The following SEMA4A variants were observed in gnomAD, a reference collection of about 807,000 sequenced individuals.
SEMA4A encodes the protein semaphorin-4A.
In SEMA4A, 52 loss-of-function variants were observed where a neutral mutation model predicts 72.5. The ratio of observed to expected loss-of-function variants is 0.72; its 90% CI spans 0.57 to 0.90. The LOEUF is 0.90. SEMA4A is among the 40% of genes least tolerant of loss of function. The pLI is 0.00. For missense variants in SEMA4A, 926 were observed against 959.7 expected (o/e 0.96, Z 0.46); for synonymous variants, 369 against 393.1 (o/e 0.94, Z 0.73).
chr1:156,174,736 T>G, intron 11 of SEMA4A, 86 bp from the exon 12 acceptor site: 1 of 1,570,564 alleles, frequency 6.4e-7, no homozygotes, highest in Non-Finnish European at 8.7e-7. Context: ...AGAAGGAGCT[T>G]TCTTACAGCT....
Position 156,175,160 on chromosome 1 carries a change from T to A in SEMA4A, c.1509T>A (p.Cys503Ter). The A allele has an allele frequency of 6.2e-7, 1 of 1,614,172 alleles. No homozygotes were observed. Among genetic ancestry groups the A allele is most frequent in the Non-Finnish European group, 8.5e-7 (1 of 1,179,994 alleles). Reference protein sequence around the residue: ...PRANCSVYESCVDCVLARDPH... With the variant: ...PRANCSVYES ...CCAACTGTAGTGTCTATGAGAGCTG[T>A]GTGGACTGTGTCCTTGCCCGGGACC... Residue 503 changes from cysteine (C) to a stop codon, truncating the protein, a stop_gained, in exon 13 of 15, where the codon TGT (cysteine) becomes TGA (stop). Transcript: ENST00000368285. LOFTEE classifies it high-confidence loss of function.
At chr1:156,156,375 C>A in intron 2 of SEMA4A, 39 bp from the exon 3 acceptor site, 1 of 1,607,140 alleles carries the variant, frequency 6.2e-7, no homozygotes, top group Non-Finnish European at 8.5e-7. Flanking sequence ...GCCTGCCCAC[C>A]AAGTCCTCAT....
chr1:156,149,788 AGGGACCGG>A (rs1157487450), upstream of SEMA4A: 2 of 152,256 alleles, frequency 1.3e-5, no homozygotes, highest in Non-Finnish European at 2.9e-5. Context: ...GGAGCTGAGC[AGGGACCGG>A]GGGCTACTGT....
At chr1:156,149,270 TG>T (rs1308443820), upstream of SEMA4A, among the ~76,000 whole-genome samples, 4 of 152,356 alleles carry the variant, frequency 2.6e-5, no homozygotes, top group East Asian at 7.7e-4. Flanking sequence ...CCTCCCCGAA[TG>T]GGAAAGAATC....
At chr1:156,159,571 C>A (rs1375631955) in intron 6 of SEMA4A, among the ~76,000 whole-genome samples, 2 of 152,030 alleles carry the variant, frequency 1.3e-5, no homozygotes, top group Non-Finnish European at 2.9e-5. Flanking sequence ...GTGAACACTT[C>A]CTCTGGTGTA....
In SEMA4A at chr1:156,172,910, C is replaced by A; in HGVS notation, c.1219C>A (p.Leu407Met). 1 of 1,614,134 alleles carries A rather than the reference C, an allele frequency of 6.2e-7. No individual in the cohort carries two copies. Among genetic ancestry groups the A allele is most frequent in the Non-Finnish European group, 8.5e-7 (1 of 1,180,016 alleles). Residue 407 changes from leucine to methionine, a missense_variant, in exon 11 of 15, where the codon CTG (leucine) becomes ATG (methionine). Transcript: ENST00000368285. ...GGATGAGCAAGTGGTGGGGACGCCC[C>A]TGCTGGTGAAATCTGGCGTGGAGTA... is the stretch of plus-strand genomic sequence containing the variant. ...LMDEQVVGTP[L>M]LVKSGVEYTR...
chr1:156,175,238 C>G lies in SEMA4A; in HGVS notation c.1587C>G (p.Pro529=). Residue 529 remains proline, a synonymous_variant, in exon 13 of 15, where the codon CCC becomes CCG. Coordinates refer to ENST00000368285, the MANE Select transcript of SEMA4A (RefSeq NM_022367.4). ...ESRTCCLLSA[P]NLNSWKQDME... ...GAACCTGTTGCCTCCTGTCTGCCCC[C>G]AACCTGTGAGTGCCAGTCCTGGATG... 1 of 1,611,658 alleles carries G rather than the reference C, an allele frequency of 6.2e-7. No individual in the cohort carries two copies. The highest frequency in any genetic ancestry group is 1.1e-5 in the South Asian group (1 of 90,864).
rs1010799489 is a variant in SEMA4A at position 156,177,591 on chromosome 1, C to G, written c.*594C>G. The G allele has an allele frequency of 6.0e-6, 1 of 166,226 alleles. No individual in the cohort carries two copies. The highest frequency in any genetic ancestry group is 2.4e-5 in the African/African-American group (1 of 41,662). The allele number at this position is 166,226 out of a possible 1,614,324, so 10.3% of individuals were successfully genotyped here. ...CAGTTGGGGCAGACTCTGATCCCTT[C>G]TGCCCTGGCAGAATGGCAGGGGTAA... On this transcript the variant is annotated 3_prime_UTR_variant, in exon 15 of 15. Transcript: ENST00000368285.
chr1:156,164,312 C>T (rs898069587), intron 10 of SEMA4A, among the ~76,000 whole-genome samples: 1 of 152,124 alleles, frequency 6.6e-6, no homozygotes, highest in Non-Finnish European at 1.5e-5. Flanking sequence ...ATTGCTACTT[C>T]GTGACGTTTC....
chr1:156,161,712 G>A, intron 9 of SEMA4A, 194 bp downstream of exon 9: 1 of 605,604 alleles, frequency 1.7e-6, no homozygotes, highest in Middle Eastern at 4.4e-4. Flanking sequence ...ATAAGACGCA[G>A]AGAGGTTCTA....
chr1:156,163,045 C>A lies in SEMA4A; in HGVS notation c.1085C>A (p.Ser362Ter). 6.2e-7 allele frequency: 1 copy of A among 1,614,218 alleles called. No individual in the cohort carries two copies. The highest frequency in any genetic ancestry group is 8.5e-7 in the Non-Finnish European group (1 of 1,180,042). ...GKYKELNKET[S>*]RWTTYRGPET... ...TACAAAGAGTTGAACAAAGAAACTT[C>A]ACGCTGGACTACTTATAGGGGCCCT... The change falls in exon 10 of 15, where the codon TCA becomes TAA. Residue 362 changes from serine (S) to a stop codon, truncating the protein, a stop_gained. Transcript: ENST00000368285. LOFTEE classifies it high-confidence loss of function.
upstream of SEMA4A, chr1:156,150,039 C>G (rs976161677): frequency 4.0e-5 from 6 of 151,344 alleles, no homozygotes. Context: ...ACTGAGAGAC[C>G]GGAAAGCCTG....
Position 156,175,242 on chromosome 1 carries a change from C to G in SEMA4A, c.1591C>G (p.Leu531Val), listed in dbSNP as rs1655203722. ...RTCCLLSAPNLNSWKQDMERG... is the reference protein window; with the variant it reads ...RTCCLLSAPNVNSWKQDMERG... Reference sequence around the variant, plus strand: ...CTGTTGCCTCCTGTCTGCCCCCAACCTGTGAGTGCCAGTCCTGGATGGTGG... The same window carrying G: ...CTGTTGCCTCCTGTCTGCCCCCAACGTGTGAGTGCCAGTCCTGGATGGTGG... Residue 531 changes from leucine to valine, a missense_variant and splice_region_variant, in exon 13 of 15, where the codon CTG becomes GTG. By Grantham distance (32) the Leu-to-Val change is conservative. Coordinates refer to ENST00000368285, the MANE Select transcript of SEMA4A (RefSeq NM_022367.4). 3.1e-6 allele frequency: 5 copies of G among 1,610,972 alleles called. No individual in the cohort carries two copies. Among genetic ancestry groups the G allele is most frequent in the Non-Finnish European group, 4.2e-6 (5 of 1,178,294 alleles).
At chr1:156,168,115 G>A (rs890486838) in intron 10 of SEMA4A, among the ~76,000 whole-genome samples, 3 of 152,104 alleles carry the variant, frequency 2.0e-5, no homozygotes, top group Non-Finnish European at 4.4e-5. Flanking sequence ...GTAGAGATGG[G>A]ATTTCACCAT....
chr1:156,169,822 C>T (rs533505362), intron 10 of SEMA4A, among the ~76,000 whole-genome samples: 23 of 149,964 alleles, frequency 1.5e-4, no homozygotes, highest in Non-Finnish European at 2.5e-4. Flanking sequence ...GTCAGGAGAT[C>T]GTGACCATCC....
intron 5 of SEMA4A, 24 bp from the exon 6 acceptor site, chr1:156,158,695 C>A (rs1653281432): frequency 1.3e-6 from 2 of 1,580,056 alleles, no homozygotes; most frequent in Non-Finnish European, 8.7e-7. Context: ...GCGTTCTGGC[C>A]CCCCAGCCTC....
At chr1:156,148,801 CTTTTTT>C (rs371528689), upstream of SEMA4A, among the ~76,000 whole-genome samples, 106 of 128,752 alleles carry the variant, frequency 8.2e-4, no homozygotes, top group African/African-American at 2.3e-3. Flanking sequence ...TTTCTTTTTT[CTTTTTT>C]TTTTTTTTTT....
chr1:156,164,839 C>A (rs892717071), intron 10 of SEMA4A, among the ~76,000 whole-genome samples: 1 of 151,866 alleles, frequency 6.6e-6, no homozygotes, highest in Non-Finnish European at 1.5e-5. Flanking sequence ...CTCACTCTGT[C>A]GCCCAAGCTG....
At chr1:156,166,474 C>T (rs1276787306) in intron 10 of SEMA4A, among the ~76,000 whole-genome samples, 3 of 152,206 alleles carry the variant, frequency 2.0e-5, no homozygotes, top group East Asian at 1.9e-4. Flanking sequence ...GGTGTTTTCT[C>T]ACTTTTTTCT....
Sources: gnomAD v4.1 joint callset for allele counts (sites outside exome capture counted in the v4.1 genomes callset) on GRCh38, gnomAD v4.1.1 for gene constraint, MANE v1.5 for transcripts, NCBI Gene and HGNC (gene_info 2026-07-23, HGNC 2026-07-21) for gene names.